BZW2: variants seen among roughly 807,000 people sequenced by gnomAD.
BZW2 encodes eIF5-mimic protein 1.
A neutral mutation model predicts 53.2 loss-of-function variants in BZW2; 23 were observed. The observed-to-expected ratio is 0.43, with a 90% CI of 0.31 to 0.61. The LOEUF (loss-of-function observed/expected upper bound fraction) is 0.61. Ranked by LOEUF, BZW2 falls within the 20% of genes least tolerant of loss-of-function variation. The pLI is 0.09. For synonymous variants in BZW2, 227 were observed against 186.4 expected (o/e 1.22, Z -1.77); for missense variants, 409 against 503.1 (o/e 0.81, Z 1.79).
chr7:16,654,781 C>T (rs1313026614), intron 1 of BZW2, among the ~76,000 whole-genome samples: 4 of 151,928 alleles, frequency 2.6e-5, no homozygotes, highest in Admixed American at 6.6e-5. Flanking sequence ...TCAGGTGATC[C>T]GCCTGCCTCA....
At chr7:16,663,410 T>G (rs1782325871) in intron 1 of BZW2, among the ~76,000 whole-genome samples, 1 of 152,208 alleles carries the variant, frequency 6.6e-6, no homozygotes, top group Non-Finnish European at 1.5e-5. Context: ...TTGGCAAAAA[T>G]TATTTCTCAA....
At chr7:16,693,353 C>T (rs146184590) in intron 7 of BZW2, among the ~76,000 whole-genome samples, 114 of 152,238 alleles carry the variant, frequency 7.5e-4, no homozygotes, top group African/African-American at 2.7e-3. Flanking sequence ...ATATACTATT[C>T]ATAAGAATTT....
Position 16,696,920 on chromosome 7 carries a change from G to A in BZW2, c.828G>A (p.Val276=). The A allele has an allele frequency of 6.2e-7, 1 of 1,614,004 alleles. No individual in the cohort carries two copies. Among genetic ancestry groups the A allele is most frequent in the Non-Finnish European group, 8.5e-7 (1 of 1,179,946 alleles). Residue 276 remains valine (V), a synonymous_variant, in exon 9 of 12, where the codon GTG becomes GTA. Transcript: ENST00000258761. ...LSQECPIKEV[V]LYVKEEMKRN... ...CCCATTTCCATGTAATGTAGGTGGT[G>A]CTTTATGTCAAAGAAGAAATGAAGA...
chr7:16,656,147 A>G (rs555280158), intron 1 of BZW2, among the ~76,000 whole-genome samples: 1 of 150,100 alleles, frequency 6.7e-6, no homozygotes, highest in Non-Finnish European at 1.5e-5. Context: ...CTATATATAT[A>G]TATACATAAA....
chr7:16,685,881 T>TTTTTTTTTTTTTTTTTTC, intron 5 of BZW2, 24 bp from the exon 6 acceptor site: 1 of 1,156,440 alleles, frequency 8.6e-7, no homozygotes, highest in Non-Finnish European at 1.2e-6. Context: ...TTTTTCTTTT[T>TTTTTTTTTTTTTTTTTTC]TTTTTTTTTT....
chr7:16,702,991 A>C (rs1012860229), intron 10 of BZW2, among the ~76,000 whole-genome samples: 1 of 152,236 alleles, frequency 6.6e-6, no homozygotes, highest in East Asian at 1.9e-4. Context: ...CAAGTTATAT[A>C]AAAGGGTCTT....
intron 6 of BZW2, chr7:16,688,715 G>A (rs375580559): frequency 3.3e-5 from 5 of 152,054 alleles, no homozygotes; most frequent in African/African-American, 7.2e-5. Flanking sequence ...TTAAATAACC[G>A]CAACATAAAT....
At chr7:16,646,850 ATACT>A (rs1323385019) in intron 1 of BZW2, among the ~76,000 whole-genome samples, 1 of 152,178 alleles carries the variant, frequency 6.6e-6, no homozygotes. Context: ...ACTTGCACTA[ATACT>A]TCGTTTATGA....
intron 2 of BZW2, 21 bp from the exon 3 acceptor site, chr7:16,674,391 T>A (rs746385527): frequency 1.3e-6 from 2 of 1,531,862 alleles, no homozygotes; most frequent in Non-Finnish European, 1.8e-6. Flanking sequence ...TTGACTGTTA[T>A]TTTGAATTGT....
At chr7:16,687,008 C>A (rs796342692) in intron 6 of BZW2, 1 of 149,242 alleles carries the variant, frequency 6.7e-6, no homozygotes, top group African/African-American at 2.6e-5. Context: ...CCATTTTGCA[C>A]ACAGAAAGTC....
At chr7:16,684,114 T>C (rs1783042180) in intron 5 of BZW2, among the ~76,000 whole-genome samples, 1 of 152,186 alleles carries the variant, frequency 6.6e-6, no homozygotes, top group East Asian at 1.9e-4. Context: ...TTACAATCTA[T>C]CTATACAGTG....
chr7:16,667,436 G>A (rs1357050715), intron 2 of BZW2, among the ~76,000 whole-genome samples: 1 of 152,214 alleles, frequency 6.6e-6, no homozygotes, highest in African/African-American at 2.4e-5. Flanking sequence ...AGATGTTGGA[G>A]CAGAATCACA....
At chr7:16,704,432 T>C (rs1463670626) in intron 10 of BZW2, 115 bp from the exon 11 acceptor site, 6 of 1,139,820 alleles carry the variant, frequency 5.3e-6, no homozygotes, top group Non-Finnish European at 7.1e-6. Flanking sequence ...TTCTGATAAG[T>C]AACAGAATGC....
At chr7:16,698,971 A>G (rs1395549258) in intron 10 of BZW2, among the ~76,000 whole-genome samples, 3 of 152,190 alleles carry the variant, frequency 2.0e-5, no homozygotes, top group Admixed American at 1.3e-4. Context: ...TTTCCCTTTC[A>G]TGTGTTCCTA....
chr7:16,673,193 G>T (rs900843699), intron 2 of BZW2, among the ~76,000 whole-genome samples: 5 of 151,994 alleles, frequency 3.3e-5, no homozygotes, highest in Admixed American at 2.6e-4. Flanking sequence ...TGATCCGCCC[G>T]CCTCGGCCTC....
At chr7:16,699,969 C>T (rs1038203517) in intron 10 of BZW2, among the ~76,000 whole-genome samples, 1 of 152,144 alleles carries the variant, frequency 6.6e-6, no homozygotes, top group African/African-American at 2.4e-5. Flanking sequence ...AGCTCTTAGG[C>T]TCATTGATTA....
intron 1 of BZW2, among the ~76,000 whole-genome samples, chr7:16,663,519 T>C (rs1782329689): frequency 6.6e-6 from 1 of 152,148 alleles, no homozygotes; most frequent in Admixed American, 6.5e-5. Flanking sequence ...AGATTTTTTA[T>C]TATGTGAAGC....
chr7:16,703,306 T>G (rs1003853772), intron 10 of BZW2, among the ~76,000 whole-genome samples: 2 of 152,186 alleles, frequency 1.3e-5, no homozygotes, highest in Non-Finnish European at 2.9e-5. Flanking sequence ...ACATGTTTTT[T>G]TAAAAAACCT....
intron 11 of BZW2, among the ~76,000 whole-genome samples, chr7:16,705,768 C>T (rs1283119314): frequency 6.8e-6 from 1 of 147,866 alleles, no homozygotes; most frequent in Non-Finnish European, 1.5e-5. Flanking sequence ...TATATATATT[C>T]AAATTTTTAT....
Sources: allele counts gnomAD v4.1 joint callset (sites outside exome capture counted in the v4.1 genomes callset), GRCh38; gene constraint gnomAD v4.1.1; transcripts MANE v1.5; gene names NCBI Gene and HGNC (gene_info 2026-07-23, HGNC 2026-07-21).